Variants in ZNF101 observed in about 807,000 individuals in gnomAD.
ZNF101 encodes the protein zinc finger protein 101.
ZNF101 carries 34 observed loss-of-function variants against 42.6 expected under a neutral mutation model. The ratio of observed to expected loss-of-function variants is 0.80; its 90% CI spans 0.61 to 1.06. ZNF101 has a LOEUF of 1.06. Among genes scored for constraint, ZNF101 ranks in the 50% least tolerant of loss-of-function variants. The pLI, the probability that ZNF101 is intolerant of heterozygous loss-of-function variation, is 0.00. For synonymous variants in ZNF101, 158 were observed against 183.9 expected, an observed-to-expected ratio of 0.86 and a Z score of 1.14; for missense variants, 466 against 530.9, an observed-to-expected ratio of 0.88 and a Z score of 1.20.
At chr19:19,674,103 T>G (rs978427217) in intron 1 of ZNF101, among the ~76,000 whole-genome samples, 2 of 151,534 alleles carry the variant, frequency 1.3e-5, no homozygotes, top group Non-Finnish European at 2.9e-5. Flanking sequence ...ATTCAATTCT[T>G]TTTGGTGCTA....
intron 1 of ZNF101, among the ~76,000 whole-genome samples, chr19:19,671,098 C>T (rs2062166356): frequency 6.6e-6 from 1 of 152,144 alleles, no homozygotes; most frequent in Non-Finnish European, 1.5e-5. Flanking sequence ...CAGAGCGAGA[C>T]TCCATCTCAA....
intron 1 of ZNF101, among the ~76,000 whole-genome samples, chr19:19,672,532 C>T (rs1285764833): frequency 2.0e-5 from 3 of 149,638 alleles, no homozygotes; most frequent in African/African-American, 4.9e-5. Flanking sequence ...CATTTTAGAA[C>T]GGGCTTTTTT....
At chr19:19,671,958 A>G (rs1294927480) in intron 1 of ZNF101, among the ~76,000 whole-genome samples, 2 of 151,762 alleles carry the variant, frequency 1.3e-5, no homozygotes, top group Non-Finnish European at 2.9e-5. Flanking sequence ...AACACTGGCA[A>G]ACACCTGTAA....
At chr19:19,671,199 T>C (rs989319606) in intron 1 of ZNF101, among the ~76,000 whole-genome samples, 6 of 152,166 alleles carry the variant, frequency 3.9e-5, no homozygotes, top group African/African-American at 1.4e-4. Context: ...CCTTTGCAGG[T>C]TGGGGAATTT....
At chr19:19,674,728 G>T (rs2062191601) in intron 1 of ZNF101, among the ~76,000 whole-genome samples, 1 of 152,178 alleles carries the variant, frequency 6.6e-6, no homozygotes, top group Non-Finnish European at 1.5e-5. Flanking sequence ...GTTTGAGGAG[G>T]ATTGATAGCA....
At chr19:19,677,609 C>T (rs770994601) in intron 1 of ZNF101, 14 of 376,268 alleles carry the variant, frequency 3.7e-5, no homozygotes, top group Admixed American at 1.3e-4. Flanking sequence ...TTTGGGGCAA[C>T]GCAGCAGCAC....
chr19:19,676,645 T>TC (rs1306985474), intron 1 of ZNF101: 3 of 150,736 alleles, frequency 2.0e-5, no homozygotes, highest in African/African-American at 7.3e-5. Context: ...GATTTTTTTT[T>TC]TTTTTTGAGA....
intron 1 of ZNF101, among the ~76,000 whole-genome samples, chr19:19,674,714 A>G (rs1309002031): frequency 1.3e-5 from 2 of 152,092 alleles, no homozygotes; most frequent in Non-Finnish European, 2.9e-5. Flanking sequence ...TCAGTTTTGG[A>G]AGAGTTTGAG....
rs1599457019 is a variant in ZNF101 at position 19,682,462 on chromosome 19, C to A, written c.*2162C>A. 3 of 152,254 alleles carry A rather than the reference C, an allele frequency of 2.0e-5. No individual in the cohort carries two copies. The highest frequency in any genetic ancestry group is 2.0e-4 in the Admixed American group (3 of 15,270). The allele number at this position is 152,254 out of a possible 1,614,324, so 9.4% of individuals were successfully genotyped here. On this transcript the variant is annotated 3_prime_UTR_variant, in exon 4 of 4. Coordinates refer to ENST00000592502, the MANE Select transcript of ZNF101 (RefSeq NM_033204.4). ...TCTTGAACTCCTGACCTCAAGGAAT[C>A]CATCCTCTTCAGCCTCGCAAAGTGC...
upstream of ZNF101, chr19:19,668,836 C>A (rs1393840241): frequency 1.6e-5 from 20 of 1,249,798 alleles, no homozygotes; most frequent in South Asian, 1.7e-4. Context: ...CCGCCGGCCC[C>A]CCATTCGGGT....
Position 19,680,430 on chromosome 19 carries a change from A to C in ZNF101, c.*130A>C. ...TCAGGAGTTCAAGACTAGCCTGGCC[A>C]ACATGGTGAAACCCCGTCTCTACTA... On this transcript the variant is annotated 3_prime_UTR_variant, in exon 4 of 4. Transcript: ENST00000592502. 6.5e-6 allele frequency: 3 copies of C among 459,448 alleles called. No homozygotes were observed. The South Asian group carries it at 1.6e-4, about 25-fold the overall frequency. The allele number at this position is 459,448 out of a possible 1,614,324, so 28.5% of individuals were successfully genotyped here.
rs776132297 is a variant in ZNF101 at position 19,668,948 on chromosome 19, C to T, written c.-16C>T. ...CTCCAGCCCCAGGAAGGACCCAGGA[C>T]ACCCGGAAGCCGGAAATGGTGAGCG... On this transcript the variant is annotated 5_prime_UTR_variant, in exon 1 of 4. Transcript: ENST00000592502. 9.4e-6 allele frequency: 15 copies of T among 1,587,820 alleles called. No homozygotes were observed. The highest frequency in any genetic ancestry group is 1.0e-5 in the Non-Finnish European group (12 of 1,167,694).
intron 1 of ZNF101, among the ~76,000 whole-genome samples, chr19:19,672,551 G>A (rs950147418): frequency 1.4e-5 from 2 of 145,266 alleles, no homozygotes; most frequent in Non-Finnish European, 3.0e-5. Flanking sequence ...TTTTTGGCGG[G>A]GGGGGTCTCT....
At chr19:19,678,822 G>C in intron 3 of ZNF101, 36 bp downstream of exon 3, 1 of 1,571,080 alleles carries the variant, frequency 6.4e-7, no homozygotes, top group Non-Finnish European at 8.6e-7. Flanking sequence ...AGTGTCTCTT[G>C]AGGGAATCTT....
intron 1 of ZNF101, 172 bp from the exon 2 acceptor site, chr19:19,677,692 C>T (rs767362009): frequency 2.8e-6 from 3 of 1,062,136 alleles, no homozygotes; most frequent in African/African-American, 3.3e-5. Context: ...GGTCAGTTCT[C>T]ACACTGGAAC....
chr19:19,677,040 C>T (rs2062206738), intron 1 of ZNF101: 2 of 152,164 alleles, frequency 1.3e-5, no homozygotes, highest in South Asian at 4.1e-4. Flanking sequence ...CTCCATACTG[C>T]TTTGACATTA....
chr19:19,674,344 T>C (rs2062189627), intron 1 of ZNF101, among the ~76,000 whole-genome samples: 1 of 151,916 alleles, frequency 6.6e-6, no homozygotes, highest in African/African-American at 2.4e-5. Flanking sequence ...ACCTGGCTGA[T>C]TGTGTATTTT....
At chr19:19,670,397 C>G (rs2062161032) in intron 1 of ZNF101, among the ~76,000 whole-genome samples, 1 of 152,196 alleles carries the variant, frequency 6.6e-6, no homozygotes, top group Non-Finnish European at 1.5e-5. Context: ...GCATGCGCCA[C>G]GCCCGGCTAG....
Position 19,680,167 on chromosome 19 carries a change from C to G in ZNF101, c.1178C>G (p.Pro393Arg). Residue 393 changes from proline (P) to arginine (R), a missense_variant, in exon 4 of 4, where the codon CCC becomes CGC. Coordinates refer to ENST00000592502, the MANE Select transcript of ZNF101 (RefSeq NM_033204.4). ...GAAATGACTCACACTGGAGAAAAAC[C>G]CTTTGATTGTAAACAGTGTGGTAAA... Reference protein sequence around the residue: ...RHEMTHTGEKPFDCKQCGKVF... With the variant: ...RHEMTHTGEKRFDCKQCGKVF... 1 of 1,611,552 alleles carries G rather than the reference C, an allele frequency of 6.2e-7. No homozygotes were observed.
Sources: gnomAD v4.1 joint callset for allele counts (sites outside exome capture counted in the v4.1 genomes callset) on GRCh38, gnomAD v4.1.1 for gene constraint, MANE v1.5 for transcripts, NCBI Gene and HGNC (gene_info 2026-07-23, HGNC 2026-07-21) for gene names.